The following FOCAD variants were observed in gnomAD, a reference collection of about 807,000 sequenced individuals.
FOCAD encodes focadhesin.
In FOCAD, 198 loss-of-function variants were observed where a neutral mutation model predicts 225.6. The ratio of observed to expected loss-of-function variants is 0.88; its 90% CI spans 0.78 to 0.99. FOCAD has a LOEUF of 0.99. FOCAD is among the 50% of genes least tolerant of loss of function. The pLI, the probability that FOCAD is intolerant of heterozygous loss-of-function variation, is 0.00. For synonymous variants in FOCAD, 897 were observed against 755.0 expected (o/e 1.19, Z -3.08); for missense variants, 2,713 against 2,123.6 (o/e 1.28, Z -5.46).
chr9:20,699,068 C>T (rs1823623075), intron 1 of FOCAD, among the ~76,000 whole-genome samples: 1 of 152,134 alleles, frequency 6.6e-6, no homozygotes. Flanking sequence ...TGCTAAAGTT[C>T]CCTATGAAAT....
rs560325883 is a variant in FOCAD at position 20,797,616 on chromosome 9, TTTG to T, written c.1455+8011_1455+8013del. ...AATTCACTCATGATTTGGCTCTCTG[TTTG>T]TTATTGATGTATAAGAATGCTTGTG... is the stretch of plus-strand genomic sequence containing the variant. On this transcript the variant is annotated intron_variant, in intron 11 of 43. Transcript: ENST00000338382. 2.0e-5 allele frequency among the ~76,000 whole-genome samples: 3 copies of T among 152,264 alleles called. No individual in the cohort carries two copies. In the East Asian group the frequency reaches 5.8e-4, roughly 29 times the overall value.
intron 4 of FOCAD, among the ~76,000 whole-genome samples, chr9:20,729,187 C>G (rs1467616763): frequency 6.6e-6 from 1 of 152,168 alleles, no homozygotes; most frequent in South Asian, 2.1e-4. Flanking sequence ...TTTCATGATG[C>G]CTTGCAGCCA....
At chr9:20,807,772 G>A (rs1822615375) in intron 11 of FOCAD, among the ~76,000 whole-genome samples, 1 of 152,160 alleles carries the variant, frequency 6.6e-6, no homozygotes, top group Non-Finnish European at 1.5e-5. Flanking sequence ...GTCTTAGGCT[G>A]GGTGTGGTGG....
chr9:20,960,984 A>T (rs1426761143), intron 35 of FOCAD, among the ~76,000 whole-genome samples: 1 of 152,040 alleles, frequency 6.6e-6, no homozygotes, highest in Non-Finnish European at 1.5e-5. Context: ...TTCTTAATCC[A>T]GTCTATCATT....
chr9:20,715,178 A>G (rs1825231345), intron 1 of FOCAD, 144 bp from the exon 2 acceptor site: 2 of 357,744 alleles, frequency 5.6e-6, no homozygotes, highest in South Asian at 1.4e-4. Context: ...AGTTTTGCCA[A>G]GGATTACTCT....
intron 8 of FOCAD, among the ~76,000 whole-genome samples, chr9:20,772,222 G>T (rs1818312154): frequency 6.6e-6 from 1 of 152,218 alleles, no homozygotes; most frequent in Non-Finnish European, 1.5e-5. Flanking sequence ...AATGGTAGCT[G>T]ATGTTGGAGG....
chr9:20,734,100 CAG>C (rs1826937745), intron 4 of FOCAD, among the ~76,000 whole-genome samples: 1 of 152,186 alleles, frequency 6.6e-6, no homozygotes, highest in Admixed American at 6.5e-5. Flanking sequence ...GTTGTGCAAA[CAG>C]TGGAAATTGT....
At chr9:20,990,091 A>G (rs1303582391) in intron 41 of FOCAD, 32 bp from the exon 42 acceptor site, 15 of 1,611,012 alleles carry the variant, frequency 9.3e-6, no homozygotes, top group African/African-American at 1.3e-5. Context: ...GTTAAAAAAT[A>G]TGACCTAACG....
intron 19 of FOCAD, among the ~76,000 whole-genome samples, chr9:20,878,683 G>A (rs553998998): frequency 9.3e-4 from 141 of 152,260 alleles, no homozygotes; most frequent in African/African-American, 3.1e-3. Flanking sequence ...AGATATATGA[G>A]GGGACCGATT....
chr9:20,841,143 G>A (rs549897091), intron 15 of FOCAD, among the ~76,000 whole-genome samples: 1 of 151,924 alleles, frequency 6.6e-6, no homozygotes, highest in South Asian at 2.1e-4. Context: ...GAGGATTTTT[G>A]CATCAGTGTT....
intron 21 of FOCAD, among the ~76,000 whole-genome samples, chr9:20,893,186 C>G (rs985328020): frequency 7.9e-5 from 12 of 151,906 alleles, no homozygotes; most frequent in African/African-American, 2.7e-4. Flanking sequence ...CCACCATGCC[C>G]AGCAGTAACA....
At chr9:20,717,542 T>A (rs1265259985) in intron 2 of FOCAD, among the ~76,000 whole-genome samples, 1 of 152,206 alleles carries the variant, frequency 6.6e-6, no homozygotes, top group African/African-American at 2.4e-5. Context: ...ATCTGGCAGT[T>A]TTCTTAACCT....
intron 22 of FOCAD, among the ~76,000 whole-genome samples, chr9:20,909,852 G>A (rs796803494): frequency 2.6e-5 from 4 of 151,892 alleles, no homozygotes; most frequent in African/African-American, 9.7e-5. Context: ...CAAGAATTTC[G>A]GTCCTAGAAG....
chr9:20,706,585 A>G (rs949198196), intron 1 of FOCAD, among the ~76,000 whole-genome samples: 2 of 152,206 alleles, frequency 1.3e-5, no homozygotes, highest in African/African-American at 2.4e-5. Context: ...TTGGAAGTCA[A>G]GAAACCTCTG....
chr9:20,665,531 T>G (rs78092573), intron 2 of FOCAD, among the ~76,000 whole-genome samples: 2,331 of 152,276 alleles, frequency 0.015, 66 homozygotes, highest in African/African-American at 0.054. Context: ...TAAGTGCATA[T>G]CCACCTTTTA....
intron 1 of FOCAD, among the ~76,000 whole-genome samples, chr9:20,707,956 T>G (rs925569997): frequency 1.3e-5 from 2 of 152,246 alleles, no homozygotes; most frequent in African/African-American, 4.8e-5. Context: ...ATGGAAATAC[T>G]TAGGGACTGG....
intron 11 of FOCAD, among the ~76,000 whole-genome samples, chr9:20,818,606 A>G (rs548005368): frequency 3.9e-5 from 6 of 152,050 alleles, no homozygotes; most frequent in African/African-American, 1.4e-4. Context: ...GAATTCCAGC[A>G]CTATCCCTCC....
chr9:20,691,923 A>G (rs989445822), intron 1 of FOCAD, among the ~76,000 whole-genome samples: 1 of 152,014 alleles, frequency 6.6e-6, no homozygotes, highest in Non-Finnish European at 1.5e-5. Context: ...ACAGGTGCGC[A>G]CTACCACACC....
At chr9:20,802,911 A>T (rs1822002333) in intron 11 of FOCAD, among the ~76,000 whole-genome samples, 2 of 152,306 alleles carry the variant, frequency 1.3e-5, no homozygotes, top group South Asian at 4.1e-4. Context: ...GGTACTTGGT[A>T]ACACTTGGCT....
Sources: gnomAD v4.1 joint callset for allele counts (sites outside exome capture counted in the v4.1 genomes callset) on GRCh38, gnomAD v4.1.1 for gene constraint, MANE v1.5 for transcripts, NCBI Gene and HGNC (gene_info 2026-07-23, HGNC 2026-07-21) for gene names.